The following CPED1 variants were observed in gnomAD, a reference collection of about 807,000 sequenced individuals.
CPED1 encodes the protein cadherin-like and PC-esterase domain-containing protein 1.
A neutral mutation model predicts 128.2 loss-of-function variants in CPED1; 114 were observed. That is an observed-to-expected ratio of 0.89 (90% confidence interval 0.76 to 1.04). The LOEUF is 1.04. Ranked by LOEUF, CPED1 falls within the 50% of genes least tolerant of loss-of-function variation. CPED1 has a pLI of 0.00. For synonymous variants in CPED1, 462 were observed against 426.7 expected, an observed-to-expected ratio of 1.08 and a Z score of -1.02; for missense variants, 1,211 against 1,207.1, an observed-to-expected ratio of 1.00 and a Z score of -0.05.
At chr7:121,245,835 C>A (rs990315191) in intron 18 of CPED1, among the ~76,000 whole-genome samples, 3 of 151,864 alleles carry the variant, frequency 2.0e-5, no homozygotes, top group African/African-American at 7.3e-5. Context: ...GGATTACAGG[C>A]GCCTGCCACC....
intron 16 of CPED1, among the ~76,000 whole-genome samples, chr7:121,195,329 A>G (rs893401948): frequency 4.9e-4 from 74 of 152,138 alleles, no homozygotes; most frequent in African/African-American, 1.6e-3. Flanking sequence ...TATTCTTTCC[A>G]TAGTTTAATT....
chr7:121,272,778 C>G (rs1792258693), intron 22 of CPED1, among the ~76,000 whole-genome samples: 1 of 152,006 alleles, frequency 6.6e-6, no homozygotes, highest in South Asian at 2.1e-4. Context: ...CTTCCCAAAC[C>G]CCAAGAGACA....
At chr7:121,089,144 G>A (rs1056637679) in intron 5 of CPED1, among the ~76,000 whole-genome samples, 4 of 152,036 alleles carry the variant, frequency 2.6e-5, no homozygotes, top group Non-Finnish European at 4.4e-5. Flanking sequence ...AGGCAAAATG[G>A]TTTAGTAATC....
chr7:121,244,366 C>T, intron 18 of CPED1, 28 bp downstream of exon 18: 1 of 1,612,978 alleles, frequency 6.2e-7, no homozygotes, highest in Non-Finnish European at 8.5e-7. Context: ...TGGGGGAAGC[C>T]TTTAATGTAT....
chr7:121,054,253 G>T (rs1563007541), intron 4 of CPED1, among the ~76,000 whole-genome samples: 1 of 152,134 alleles, frequency 6.6e-6, no homozygotes, highest in Non-Finnish European at 1.5e-5. Flanking sequence ...ATATTAAAAA[G>T]CTGATTCTTA....
At chr7:121,218,662 C>T (rs1020532438) in intron 16 of CPED1, among the ~76,000 whole-genome samples, 2 of 151,868 alleles carry the variant, frequency 1.3e-5, no homozygotes, top group Non-Finnish European at 2.9e-5. Context: ...ACAATGAGAA[C>T]ACATGGGCAT....
chr7:121,261,189 C>A (rs917541921), intron 18 of CPED1, among the ~76,000 whole-genome samples: 12 of 152,180 alleles, frequency 7.9e-5, no homozygotes, highest in African/African-American at 2.9e-4. Flanking sequence ...AGATAAAAAT[C>A]ATTTCATTGT....
At chr7:121,237,891 A>C (rs1015823018) in intron 17 of CPED1, among the ~76,000 whole-genome samples, 1 of 152,152 alleles carries the variant, frequency 6.6e-6, no homozygotes, top group Non-Finnish European at 1.5e-5. Context: ...ACAGTCAGGG[A>C]ATAGAGAGGG....
intron 18 of CPED1, among the ~76,000 whole-genome samples, chr7:121,250,505 A>T: frequency 6.6e-6 from 1 of 152,052 alleles, no homozygotes; most frequent in Admixed American, 6.6e-5. Flanking sequence ...GACACAAAAA[A>T]CCCTTCAAAA....
rs898735159 is a variant in CPED1 at position 121,172,761 on chromosome 7, T to TA, written c.2055+30626dup. On this transcript the variant is annotated intron_variant, in intron 16 of 22. Transcript: ENST00000310396. Reference sequence around the variant, plus strand: ...TTTAATATTACATGTCTAATTCTGCTAAAAAAGTCAGTTCCCAACTGGGAT... The same window carrying TA: ...TTTAATATTACATGTCTAATTCTGCTAAAAAAAGTCAGTTCCCAACTGGGAT... Among the ~76,000 whole-genome samples the TA allele has an allele frequency of 5.7e-4, 86 of 152,194 alleles. 1 individual carries two copies. Among genetic ancestry groups the TA allele is most frequent in the African/African-American group, 1.4e-3 (58 of 41,546 alleles).
chr7:121,209,676 C>G (rs1376739902), intron 16 of CPED1, among the ~76,000 whole-genome samples: 2 of 151,930 alleles, frequency 1.3e-5, no homozygotes, highest in African/African-American at 4.8e-5. Flanking sequence ...AGGAAACTCT[C>G]CAGAACATTG....
chr7:121,244,276 C>T lies in CPED1; in HGVS notation c.2248C>T (p.His750Tyr), dbSNP rs1269157818. 3 of 1,613,888 alleles carry T rather than the reference C, an allele frequency of 1.9e-6. No individual in the cohort carries two copies. Among genetic ancestry groups the T allele is most frequent in the Non-Finnish European group, 2.5e-6 (3 of 1,179,900 alleles). The change falls in exon 18 of 23, where the codon CAC becomes TAC. Residue 750 changes from histidine to tyrosine, a missense_variant. By Grantham distance (83) the His-to-Tyr change is moderately conservative (BLOSUM62 2). Coordinates refer to ENST00000310396, the MANE Select transcript of CPED1 (RefSeq NM_024913.5). The part of the protein sequence containing the change: ...CDWREITWQP[H>Y]NCQYGVLTKP... ...CTGGAGAGAAATAACCTGGCAGCCC[C>T]ACAACTGCCAATATGGTGTCCTAAC...
intron 16 of CPED1, among the ~76,000 whole-genome samples, chr7:121,155,025 G>T (rs1019441014): frequency 1.3e-5 from 2 of 152,062 alleles, no homozygotes; most frequent in East Asian, 1.9e-4. Context: ...GTTAAGTTGC[G>T]GGTTGCAAAA....
At chr7:121,235,587 C>G (rs1349403477) in intron 16 of CPED1, among the ~76,000 whole-genome samples, 2 of 152,074 alleles carry the variant, frequency 1.3e-5, no homozygotes, top group African/African-American at 2.4e-5. Context: ...TTGAGAATTT[C>G]TCATATAATG....
At chr7:121,267,680 G>T (rs913496149) in intron 21 of CPED1, among the ~76,000 whole-genome samples, 3 of 151,996 alleles carry the variant, frequency 2.0e-5, no homozygotes, top group Admixed American at 1.3e-4. Flanking sequence ...TCTCTGGCCA[G>T]TTCTTATAGA....
intron 16 of CPED1, among the ~76,000 whole-genome samples, chr7:121,186,433 T>C (rs897134685): frequency 1.1e-4 from 16 of 152,134 alleles, no homozygotes; most frequent in Non-Finnish European, 1.8e-4. Flanking sequence ...ATTCCAGATA[T>C]TTTATGCATC....
At chr7:121,113,487 C>T (rs1330254040) in intron 7 of CPED1, among the ~76,000 whole-genome samples, 3 of 152,122 alleles carry the variant, frequency 2.0e-5, no homozygotes, top group Admixed American at 2.0e-4. Context: ...AGTAGGGTTT[C>T]TTTAAAAATG....
Position 121,211,392 on chromosome 7 carries a change from G to A in CPED1, c.2056-25322G>A, listed in dbSNP as rs144911417. 9.1e-4 allele frequency among the ~76,000 whole-genome samples: 139 copies of A among 152,242 alleles called. 1 individual carries two copies. Among genetic ancestry groups the A allele is most frequent in the African/African-American group, 3.3e-3 (137 of 41,578 alleles). Reference sequence around the variant, plus strand: ...TGACCTGTTGAAATTAGCGAAGTCAGTGGAGCCTTAAAACACAGTTGGCCT... The same window carrying A: ...TGACCTGTTGAAATTAGCGAAGTCAATGGAGCCTTAAAACACAGTTGGCCT... On this transcript the variant is annotated intron_variant, in intron 16 of 22. Coordinates refer to ENST00000310396, the MANE Select transcript of CPED1 (RefSeq NM_024913.5).
chr7:121,153,712 C>T (rs568377482), intron 16 of CPED1, among the ~76,000 whole-genome samples: 71 of 152,220 alleles, frequency 4.7e-4, no homozygotes, highest in Middle Eastern at 3.4e-3. Context: ...CTATCACATA[C>T]CAAAACAAGA....
Sources: allele counts gnomAD v4.1 joint callset (sites outside exome capture counted in the v4.1 genomes callset), GRCh38; gene constraint gnomAD v4.1.1; transcripts MANE v1.5; gene names NCBI Gene and HGNC (gene_info 2026-07-23, HGNC 2026-07-21).